SP140: variants seen among roughly 807,000 people sequenced by gnomAD.
SP140 encodes the protein SP140 nuclear body protein.
Under a neutral mutation model 125.0 loss-of-function variants are expected in SP140, and 81 were observed. That is an observed-to-expected ratio of 0.65 (90% CI 0.54 to 0.78). SP140 has a LOEUF of 0.78. Ranked by LOEUF, SP140 falls within the 30% of genes least tolerant of loss-of-function variation. The pLI is 0.00. For synonymous variants in SP140, 312 were observed against 354.0 expected (o/e 0.88, Z 1.33); for missense variants, 858 against 1,037.0 (o/e 0.83, Z 2.37).
Position 230,292,738 on chromosome 2 carries a change from T to A in SP140, c.1918T>A (p.Trp640Arg). The A allele has an allele frequency of 6.2e-7, 1 of 1,614,224 alleles. No individual in the cohort carries two copies. Among genetic ancestry groups the A allele is most frequent in the South Asian group, 1.1e-5 (1 of 91,084 alleles). ...AGGAGGCCATGCAAGATCAAAGAAC[T>A]GGAGGCTGAGTGTGCGCTGTGGCGG... ...IKGGHARSKN[W>R]RLSVRCGGWP... Residue 640 changes from tryptophan (W) to arginine (R), a missense_variant, in exon 20 of 27, where the codon TGG becomes AGG. Coordinates refer to ENST00000392045, the MANE Select transcript of SP140 (RefSeq NM_007237.5).
the SP140 span, among the ~76,000 whole-genome samples, chr2:230,186,657 C>T: frequency 2.6e-4 from 39 of 152,138 alleles, no homozygotes; most frequent in South Asian, 7.1e-3. Context: ...CCCCCTCCTC[C>T]GTCCCTCTCC....
upstream of SP140, among the ~76,000 whole-genome samples, chr2:230,220,821 T>C (rs1381784394): frequency 6.6e-6 from 1 of 152,020 alleles, no homozygotes; most frequent in African/African-American, 2.4e-5. Context: ...CTGGGCAACA[T>C]AGTGAGACCC....
At chr2:230,292,978 G>C (rs958862681) in intron 20 of SP140, among the ~76,000 whole-genome samples, 190 bp downstream of exon 20, 4 of 152,216 alleles carry the variant, frequency 2.6e-5, no homozygotes, top group Admixed American at 2.0e-4. Flanking sequence ...CGTTGTACCA[G>C]GGGCTCCGTC....
In SP140 at chr2:230,243,791, C is replaced by G; in HGVS notation, c.551C>G (p.Ser184Cys). The change falls in exon 5 of 27, where the codon TCC (serine) becomes TGC (cysteine). Residue 184 changes from serine to cysteine, a missense_variant. By Grantham distance (112) the Ser-to-Cys change is moderately radical (BLOSUM62 -1). Coordinates refer to ENST00000392045, the MANE Select transcript of SP140 (RefSeq NM_007237.5). Reference sequence around the variant, plus strand: ...GCAGTGCCTCAGGAAGCCTTGAGCTCCTCGCCAAGGTGTGAGCCAGGTAAG... The same window carrying G: ...GCAGTGCCTCAGGAAGCCTTGAGCTGCTCGCCAAGGTGTGAGCCAGGTAAG... ...DIAVPQEALS[S>C]SPRCEPGFSS... The G allele has an allele frequency of 6.2e-7, 1 of 1,612,566 alleles. No homozygotes were observed. The highest frequency in any genetic ancestry group is 2.2e-5 in the East Asian group (1 of 44,866).
chr2:230,187,697 T>C, the SP140 span, among the ~76,000 whole-genome samples: 1 of 152,098 alleles, frequency 6.6e-6, no homozygotes, highest in East Asian at 1.9e-4. Context: ...TCCAGTTTTA[T>C]TCTTTTACAT....
chr2:230,240,618 T>G (rs2048592935), intron 3 of SP140, among the ~76,000 whole-genome samples: 1 of 152,220 alleles, frequency 6.6e-6, no homozygotes, highest in Non-Finnish European at 1.5e-5. Flanking sequence ...GAGATATCAT[T>G]CACTCACTAG....
chr2:230,271,726 A>G (rs1199646230), intron 15 of SP140, among the ~76,000 whole-genome samples: 2 of 152,184 alleles, frequency 1.3e-5, no homozygotes, highest in Non-Finnish European at 2.9e-5. Flanking sequence ...ACGAAAAAGA[A>G]TCAAGTCTTG....
At chr2:230,301,497 A>T (rs2058280075) in intron 22 of SP140, among the ~76,000 whole-genome samples, 1 of 152,208 alleles carries the variant, frequency 6.6e-6, no homozygotes, top group African/African-American at 2.4e-5. Flanking sequence ...TCCTTAAACA[A>T]AATAATTATC....
chr2:230,292,123 T>C (rs2057184892), intron 19 of SP140, among the ~76,000 whole-genome samples: 1 of 152,254 alleles, frequency 6.6e-6, no homozygotes, highest in Admixed American at 6.5e-5. Context: ...TGCAGGGATA[T>C]GAAAATTTCT....
chr2:230,215,277 G>A (rs1055798282), intron 3 of SP140, among the ~76,000 whole-genome samples: 12 of 152,264 alleles, frequency 7.9e-5, no homozygotes, highest in Admixed American at 1.3e-4. Context: ...AGCGGTCACA[G>A]TTTTACATGC....
intron 1 of SP140, among the ~76,000 whole-genome samples, chr2:230,204,544 T>C (rs2043546489): frequency 6.6e-6 from 1 of 152,176 alleles, no homozygotes; most frequent in African/African-American, 2.4e-5. Flanking sequence ...AATGAATTCA[T>C]AAACTATCCT....
At chr2:230,256,616 A>ACACAG (rs1217402161) in intron 12 of SP140, among the ~76,000 whole-genome samples, 2 of 152,224 alleles carry the variant, frequency 1.3e-5, no homozygotes, top group Non-Finnish European at 2.9e-5. Context: ...GCACATGTAT[A>ACACAG]CATATGTAAC....
downstream of SP140, among the ~76,000 whole-genome samples, chr2:230,313,579 C>T (rs985988237): frequency 3.9e-5 from 6 of 152,172 alleles, no homozygotes; most frequent in Admixed American, 1.3e-4. Flanking sequence ...TTTGGCCACA[C>T]GATGCTGCTT....
intron 15 of SP140, among the ~76,000 whole-genome samples, chr2:230,279,491 G>A (rs1326330106): frequency 6.6e-6 from 1 of 151,972 alleles, no homozygotes; most frequent in Non-Finnish European, 1.5e-5. Context: ...AATTGAATAG[G>A]GAACCCAGAA....
Position 230,261,008 on chromosome 2 carries a change from G to T in SP140, c.1240+5476G>T, listed in dbSNP as rs931373764. Reference sequence around the variant, plus strand: ...GTGGTATTTTGATGGGGATTGCATTGAATTTGTGATTGCTTTTGGCGGTAT... The same window carrying T: ...GTGGTATTTTGATGGGGATTGCATTTAATTTGTGATTGCTTTTGGCGGTAT... On this transcript the variant is annotated intron_variant, in intron 12 of 26. Coordinates refer to ENST00000392045, the MANE Select transcript of SP140 (RefSeq NM_007237.5). 5.3e-5 allele frequency among the ~76,000 whole-genome samples: 8 copies of T among 152,224 alleles called. No individual in the cohort carries two copies. In the East Asian group the frequency reaches 1.5e-3, roughly 29 times the overall value.
intron 1 of SP140, among the ~76,000 whole-genome samples, chr2:230,231,254 T>C (rs1419177301): frequency 1.3e-5 from 2 of 152,210 alleles, no homozygotes; most frequent in Non-Finnish European, 2.9e-5. Context: ...CATATCTGAG[T>C]CTGGTTTTGA....
intron 1 of SP140, chr2:230,208,043 T>C (rs1442781872): frequency 1.3e-6 from 2 of 1,552,658 alleles, no homozygotes; most frequent in Admixed American, 1.7e-5. Context: ...ACCAGATACA[T>C]CTTTTTCTTT....
intron 17 of SP140, among the ~76,000 whole-genome samples, chr2:230,287,258 C>G (rs987478543): frequency 6.6e-6 from 1 of 152,136 alleles, no homozygotes; most frequent in African/African-American, 2.4e-5. Context: ...GCCATGTGGA[C>G]AAAGCCCTGG....
At chr2:230,280,705 T>C (rs1309424029) in intron 15 of SP140, among the ~76,000 whole-genome samples, 1 of 152,176 alleles carries the variant, frequency 6.6e-6, no homozygotes, top group African/African-American at 2.4e-5. Context: ...ATGGTTTCAC[T>C]ACAAACTGAA....
Sources: allele counts gnomAD v4.1 joint callset (sites outside exome capture counted in the v4.1 genomes callset), GRCh38; gene constraint gnomAD v4.1.1; transcripts MANE v1.5; gene names NCBI Gene and HGNC (gene_info 2026-07-23, HGNC 2026-07-21).